VPS13A: variants seen among roughly 807,000 people sequenced by gnomAD.
VPS13A encodes the protein vacuolar protein sorting 13 homolog A.
VPS13A carries 264 observed loss-of-function variants against 390.9 expected under a neutral mutation model. That is an observed-to-expected ratio of 0.68 (90% CI 0.61 to 0.75). VPS13A has a LOEUF of 0.75. VPS13A is among the 30% of genes least tolerant of loss of function. VPS13A has a pLI of 0.00. For missense variants in VPS13A, 3,409 were observed against 3,733.9 expected, an observed-to-expected ratio of 0.91 and a Z score of 2.27; for synonymous variants, 1,231 against 1,227.1, an observed-to-expected ratio of 1.00 and a Z score of -0.07.
At chr9:77,407,671 ATTT>A (rs1563997877) in intron 71 of VPS13A, 64 bp downstream of exon 71, 1 of 1,225,668 alleles carries the variant, frequency 8.2e-7, no homozygotes, top group South Asian at 1.3e-5. Context: ...TAAGTGGACT[ATTT>A]TTTAATGCAG....
At position 77,357,243 on chromosome 9, in the gene VPS13A, C is replaced by T. The variant is rs148860397; in HGVS notation, c.7806+376C>T. Among the ~76,000 whole-genome samples the T allele has an allele frequency of 5.0e-3, 713 of 142,398 alleles. 6 individuals are homozygous for T. Among genetic ancestry groups the T allele is most frequent in the African/African-American group, 0.018 (675 of 37,558 alleles). 93.4% of individuals were successfully genotyped at this position (142,398 alleles called of 152,430 possible). A position where few individuals can be genotyped will look rare whatever the true frequency, so the allele number is the denominator to read the frequency against. ...CTGAGGCATGAGAATGCCTTGAACCCAGGAGGTGGAGGTTGCAGTGAACCA... is the reference window on the plus strand; with the variant it reads ...CTGAGGCATGAGAATGCCTTGAACCTAGGAGGTGGAGGTTGCAGTGAACCA... On this transcript the variant is annotated intron_variant, in intron 55 of 71. Coordinates refer to ENST00000360280, the MANE Select transcript of VPS13A (RefSeq NM_033305.3).
chr9:77,348,075 A>G (rs1020327913), intron 52 of VPS13A, among the ~76,000 whole-genome samples: 3 of 152,188 alleles, frequency 2.0e-5, no homozygotes, highest in Non-Finnish European at 4.4e-5. Flanking sequence ...TGATTCCTCA[A>G]AGACCTAGAA....
At chr9:77,216,117 T>C (rs1234670262) in intron 10 of VPS13A, among the ~76,000 whole-genome samples, 3 of 152,166 alleles carry the variant, frequency 2.0e-5, no homozygotes, top group Admixed American at 6.5e-5. Flanking sequence ...CCTCCTGCAG[T>C]GTCTCTCCAG....
Position 77,273,271 on chromosome 9 carries a change from T to A in VPS13A, c.2428-9T>A, listed in dbSNP as rs920701517. The A allele has an allele frequency of 1.9e-6, 3 of 1,603,080 alleles. No homozygotes were observed. The highest frequency in any genetic ancestry group is 2.7e-5 in the African/African-American group (2 of 74,714). On this transcript the variant is annotated splice_polypyrimidine_tract_variant and intron_variant, in intron 23 of 71. Coordinates refer to ENST00000360280, the MANE Select transcript of VPS13A (RefSeq NM_033305.3). ...TGTGCTAATCAACATTGAATTACTT[T>A]TCTTTCAGATTCAAACATCTACTTC...
At chr9:77,377,265 T>G (rs1833149664) in intron 67 of VPS13A, among the ~76,000 whole-genome samples, 1 of 127,718 alleles carries the variant, frequency 7.8e-6, no homozygotes, top group African/African-American at 2.9e-5. Context: ...CAGGCCAGAC[T>G]GCGGACTGCA....
At chr9:77,225,365 C>G (rs1357408634) in intron 13 of VPS13A, among the ~76,000 whole-genome samples, 1 of 152,152 alleles carries the variant, frequency 6.6e-6, no homozygotes, top group Non-Finnish European at 1.5e-5. Flanking sequence ...GTCCTCTCAT[C>G]TCAGCCTCTT....
At chr9:77,375,589 C>T (rs1833023233) in intron 67 of VPS13A, among the ~76,000 whole-genome samples, 1 of 152,134 alleles carries the variant, frequency 6.6e-6, no homozygotes, top group African/African-American at 2.4e-5. Flanking sequence ...CAAACTTCTA[C>T]TCAGTTCATA....
chr9:77,255,923 C>T (rs1454243609), intron 22 of VPS13A, among the ~76,000 whole-genome samples: 6 of 151,830 alleles, frequency 4.0e-5, no homozygotes, highest in South Asian at 4.1e-4. Flanking sequence ...TTTTCAATCT[C>T]GATCATTTTG....
chr9:77,265,736 A>G (rs893624171), intron 23 of VPS13A, among the ~76,000 whole-genome samples: 13 of 152,124 alleles, frequency 8.5e-5, no homozygotes, highest in Non-Finnish European at 1.6e-4. Flanking sequence ...ATCTTTTCAA[A>G]AAACCAGCAC....
intron 22 of VPS13A, among the ~76,000 whole-genome samples, chr9:77,257,013 A>G (rs1825487859): frequency 6.6e-6 from 1 of 151,852 alleles, no homozygotes. Context: ...GATGGGGAGG[A>G]CTTACTTTTG....
chr9:77,286,624 C>G (rs938875249), intron 31 of VPS13A, among the ~76,000 whole-genome samples: 2 of 152,092 alleles, frequency 1.3e-5, no homozygotes, highest in African/African-American at 2.4e-5. Flanking sequence ...GTTTGACTTT[C>G]TTTCGCTTCT....
At chr9:77,207,254 A>ATATATATATATATATATAT (rs1564630578) in intron 5 of VPS13A, among the ~76,000 whole-genome samples, 1 of 53,468 alleles carries the variant, frequency 1.9e-5, no homozygotes, top group Admixed American at 2.6e-4. Flanking sequence ...TATATATATA[A>ATATATATATATATATATAT]AACGTGTTAT....
At chr9:77,322,366 T>C (rs1829796746) in intron 44 of VPS13A, among the ~76,000 whole-genome samples, 1 of 151,922 alleles carries the variant, frequency 6.6e-6, no homozygotes, top group Admixed American at 6.6e-5. Context: ...TACACCACTT[T>C]TTGATACTCT....
chr9:77,308,974 A>G (rs1479537084), intron 35 of VPS13A, among the ~76,000 whole-genome samples: 2 of 152,208 alleles, frequency 1.3e-5, no homozygotes, highest in African/African-American at 4.8e-5. Context: ...ATGGTCAGAT[A>G]TGAAGAAAAT....
intron 54 of VPS13A, among the ~76,000 whole-genome samples, chr9:77,354,327 T>C (rs1053620870): frequency 1.2e-4 from 18 of 152,090 alleles, no homozygotes; most frequent in African/African-American, 3.4e-4. Context: ...TGACCTCTTA[T>C]TGAATTGAAT....
chr9:77,399,637 G>C (rs567939854), intron 68 of VPS13A, among the ~76,000 whole-genome samples: 57 of 152,208 alleles, frequency 3.7e-4, no homozygotes, highest in African/African-American at 1.3e-3. Context: ...TCGCCATATG[G>C]AACAAAAGAA....
chr9:77,403,063 A>C (rs1015831069), intron 68 of VPS13A, among the ~76,000 whole-genome samples, 173 bp from the exon 69 acceptor site: 7 of 152,216 alleles, frequency 4.6e-5, no homozygotes, highest in African/African-American at 1.7e-4. Context: ...AAGTAGTGCA[A>C]GTAGATGCTT....
intron 16 of VPS13A, 63 bp downstream of exon 16, chr9:77,227,548 G>GTGAGACCCT: frequency 1.5e-6 from 2 of 1,307,120 alleles, no homozygotes; most frequent in Non-Finnish European, 2.2e-6. Flanking sequence ...TTAGAGACAG[G>GTGAGACCCT]GTCTCACTCT....
intron 67 of VPS13A, among the ~76,000 whole-genome samples, chr9:77,380,552 C>T (rs1462344577): frequency 2.0e-5 from 3 of 152,148 alleles, no homozygotes; most frequent in East Asian, 1.9e-4. Context: ...CCTCATGATC[C>T]GCCCGCCTCG....
Sources: allele counts gnomAD v4.1 joint callset (sites outside exome capture counted in the v4.1 genomes callset), GRCh38; gene constraint gnomAD v4.1.1; transcripts MANE v1.5; gene names NCBI Gene and HGNC (gene_info 2026-07-23, HGNC 2026-07-21).